Variants in C9 observed in about 807,000 individuals in gnomAD.
C9 encodes complement component C9.
A neutral mutation model predicts 65.4 loss-of-function variants in C9; 63 were observed. That is an observed-to-expected ratio of 0.96 (90% CI 0.79 to 1.19). C9 has a LOEUF of 1.19. Among genes scored for constraint, C9 ranks in the 50% most tolerant of loss-of-function variants. The pLI, the probability that C9 is intolerant of heterozygous loss-of-function variation, is 0.00. For missense variants in C9, 744 were observed against 670.1 expected (o/e 1.11, Z -1.22); for synonymous variants, 229 against 227.9 (o/e 1.00, Z -0.04).
intron 4 of C9, among the ~76,000 whole-genome samples, chr5:39,339,164 C>T (rs1754021563): frequency 6.6e-6 from 1 of 152,166 alleles, no homozygotes; most frequent in Non-Finnish European, 1.5e-5. Context: ...TTTGGGAAAA[C>T]TCCCATGCCA....
chr5:39,294,595 C>T (rs1561332361), intron 9 of C9, among the ~76,000 whole-genome samples: 1 of 151,736 alleles, frequency 6.6e-6, no homozygotes, highest in Non-Finnish European at 1.5e-5. Context: ...AAAGAAAGGT[C>T]CAGGACCAGA....
intron 9 of C9, among the ~76,000 whole-genome samples, chr5:39,301,320 C>G (rs893463591): frequency 4.0e-5 from 6 of 151,758 alleles, no homozygotes; most frequent in Non-Finnish European, 8.8e-5. Context: ...GTCTGAAGAC[C>G]TATAACAGAT....
chr5:39,326,244 G>A (rs1324879220), intron 5 of C9, among the ~76,000 whole-genome samples: 3 of 152,208 alleles, frequency 2.0e-5, no homozygotes, highest in Non-Finnish European at 4.4e-5. Flanking sequence ...CACATAGGTG[G>A]TAAGTGGAGG....
At position 39,350,040 on chromosome 5, in the gene C9, A is replaced by G. The variant is rs895963099; in HGVS notation, c.78-7844T>C. 8.5e-5 allele frequency among the ~76,000 whole-genome samples: 13 copies of G among 152,316 alleles called. No homozygotes were observed. In the East Asian group the frequency reaches 2.5e-3, roughly 29 times the overall value. On this transcript the variant is annotated intron_variant, in intron 1 of 10. Coordinates refer to ENST00000263408, the MANE Select transcript of C9 (RefSeq NM_001737.5). Reference sequence around the variant, plus strand: ...ACCTGAGACAAGGTAACTTATAAAGAAAAGAGGTTGATTGACTCACAGTTC... The same window carrying G: ...ACCTGAGACAAGGTAACTTATAAAGGAAAGAGGTTGATTGACTCACAGTTC...
intron 1 of C9, among the ~76,000 whole-genome samples, chr5:39,345,972 T>C (rs1450371632): frequency 6.6e-6 from 1 of 152,022 alleles, no homozygotes; most frequent in South Asian, 2.1e-4. Flanking sequence ...TTGAAACCAA[T>C]GAGAACAAAG....
At chr5:39,338,174 T>G (rs781464510) in intron 4 of C9, among the ~76,000 whole-genome samples, 12 of 152,224 alleles carry the variant, frequency 7.9e-5, no homozygotes, top group South Asian at 2.1e-4. Context: ...CCTATATTCC[T>G]TAATTCAAAT....
intron 1 of C9, among the ~76,000 whole-genome samples, chr5:39,349,733 C>T (rs1039058246): frequency 1.3e-5 from 2 of 152,198 alleles, no homozygotes; most frequent in Non-Finnish European, 1.5e-5. Flanking sequence ...TGCTTCATGG[C>T]ATTCAATGTA....
chr5:39,325,371 A>AT (rs1352387820), intron 5 of C9, among the ~76,000 whole-genome samples: 3 of 152,110 alleles, frequency 2.0e-5, no homozygotes, highest in African/African-American at 7.2e-5. Context: ...TCTATAGAAT[A>AT]TTTTTTCTGT....
At chr5:39,346,907 A>C (rs369262511) in intron 1 of C9, among the ~76,000 whole-genome samples, 54 of 152,132 alleles carry the variant, frequency 3.5e-4, no homozygotes, top group Non-Finnish European at 5.9e-4. Context: ...ATAAACAGAA[A>C]CAAAGACAAA....
chr5:39,359,023 T>TAAA (rs1340734887), intron 1 of C9, among the ~76,000 whole-genome samples: 1 of 46,160 alleles, frequency 2.2e-5, no homozygotes, highest in African/African-American at 7.9e-5. Flanking sequence ...AAAAAATATA[T>TAAA]ATATATATAT....
At chr5:39,315,736 G>A (rs1327038753) in intron 6 of C9, 39 bp downstream of exon 6, 1 of 1,474,672 alleles carries the variant, frequency 6.8e-7, no homozygotes, top group Non-Finnish European at 9.4e-7. Context: ...GGGTAGTTTG[G>A]AACCTTTCTA....
chr5:39,354,883 A>G (rs959297193), intron 1 of C9, among the ~76,000 whole-genome samples: 1 of 152,246 alleles, frequency 6.6e-6, no homozygotes, highest in East Asian at 1.9e-4. Context: ...TGCTATGTAC[A>G]TAGAAAACTA....
At chr5:39,351,514 G>A (rs1353947570) in intron 1 of C9, among the ~76,000 whole-genome samples, 1 of 152,250 alleles carries the variant, frequency 6.6e-6, no homozygotes, top group Middle Eastern at 3.4e-3. Flanking sequence ...ATGAGCATAG[G>A]ATTTTAGAAG....
chr5:39,348,780 A>G (rs1320031472), intron 1 of C9, among the ~76,000 whole-genome samples: 5 of 152,230 alleles, frequency 3.3e-5, no homozygotes, highest in African/African-American at 1.2e-4. Context: ...CCAAATGTCC[A>G]TCAATGATAG....
At chr5:39,331,895 GAC>G in intron 4 of C9, 81 bp from the exon 5 acceptor site, 1 of 1,178,122 alleles carries the variant, frequency 8.5e-7, no homozygotes, top group Admixed American at 1.7e-5. Context: ...GAAAAAGTGA[GAC>G]AGCTTCAGTT....
intron 7 of C9, 90 bp downstream of exon 7, chr5:39,311,047 T>C (rs1753472829): frequency 4.9e-6 from 7 of 1,424,570 alleles, no homozygotes; most frequent in Non-Finnish European, 6.9e-6. Flanking sequence ...CTTTGTATTC[T>C]TAAGACTTTA....
At chr5:39,295,337 C>G (rs1422396543) in intron 9 of C9, among the ~76,000 whole-genome samples, 1 of 151,700 alleles carries the variant, frequency 6.6e-6, no homozygotes, top group Non-Finnish European at 1.5e-5. Context: ...ACACTTAGAA[C>G]TGACAATCGA....
At chr5:39,362,253 T>G (rs1369509822) in intron 1 of C9, among the ~76,000 whole-genome samples, 1 of 152,066 alleles carries the variant, frequency 6.6e-6, no homozygotes, top group African/African-American at 2.4e-5. Flanking sequence ...GGTAATCAAG[T>G]TAAAATGACA....
intron 1 of C9, among the ~76,000 whole-genome samples, chr5:39,350,952 G>A (rs1031031780): frequency 1.3e-5 from 2 of 152,206 alleles, no homozygotes; most frequent in Admixed American, 6.5e-5. Flanking sequence ...CCCAAGTAGA[G>A]GTTCTCCACA....
Sources: gnomAD v4.1 joint callset for allele counts (sites outside exome capture counted in the v4.1 genomes callset) on GRCh38, gnomAD v4.1.1 for gene constraint, MANE v1.5 for transcripts, NCBI Gene and HGNC (gene_info 2026-07-23, HGNC 2026-07-21) for gene names.